CEP63: variants seen among roughly 807,000 people sequenced by gnomAD.
The protein encoded by CEP63 is centrosomal protein of 63 kDa.
A neutral mutation model predicts 89.1 loss-of-function variants in CEP63; 84 were observed. The observed-to-expected ratio is 0.94, with a 90% CI of 0.79 to 1.13. The LOEUF is 1.13. Ranked by LOEUF, CEP63 falls within the 50% of genes most tolerant of loss-of-function variation. The pLI, the probability that CEP63 is intolerant of heterozygous loss-of-function variation, is 0.00. For synonymous variants in CEP63, 267 were observed against 272.5 expected (o/e 0.98, Z 0.20); for missense variants, 838 against 813.3 (o/e 1.03, Z -0.37).
the CEP63 span, among the ~76,000 whole-genome samples, chr3:134,666,205 G>A: frequency 3.9e-5 from 6 of 152,138 alleles, no homozygotes; most frequent in Non-Finnish European, 7.4e-5. Context: ...GCCTCAGCAC[G>A]TTCAGAAGGA....
At chr3:134,486,641 C>T (rs887103005) in intron 1 of CEP63, 1 of 692,602 alleles carries the variant, frequency 1.4e-6, no homozygotes, top group Non-Finnish European at 1.8e-6. Flanking sequence ...TGCGGCCTCC[C>T]TGCCAGGGCT....
At chr3:134,519,969 G>A (rs879747072) in intron 3 of CEP63, among the ~76,000 whole-genome samples, 1 of 152,142 alleles carries the variant, frequency 6.6e-6, no homozygotes, top group Non-Finnish European at 1.5e-5. Context: ...AACATAGCAA[G>A]TAGCAATTAA....
chr3:134,760,267 G>A, the CEP63 span, among the ~76,000 whole-genome samples: 1 of 151,976 alleles, frequency 6.6e-6, no homozygotes, highest in Non-Finnish European at 1.5e-5. Context: ...CACTGTGTTA[G>A]CCAGGATGGT....
intron 2 of CEP63, among the ~76,000 whole-genome samples, chr3:134,503,993 G>A (rs1365402621): frequency 1.3e-5 from 2 of 152,050 alleles, no homozygotes; most frequent in East Asian, 3.9e-4. Flanking sequence ...ATTCAGGGTT[G>A]TTATAGATAG....
At chr3:134,695,020 A>C in the CEP63 span, among the ~76,000 whole-genome samples, 1 of 152,206 alleles carries the variant, frequency 6.6e-6, no homozygotes, top group Non-Finnish European at 1.5e-5. Context: ...AGCAATTGTG[A>C]AGCAGGTTCT....
the CEP63 span, among the ~76,000 whole-genome samples, chr3:134,773,655 T>A: frequency 6.6e-6 from 1 of 152,162 alleles, no homozygotes; most frequent in Non-Finnish European, 1.5e-5. Flanking sequence ...AGCAATTTGC[T>A]CTTCTAGTAA....
At chr3:134,489,689 T>C (rs1306879206) in intron 1 of CEP63, among the ~76,000 whole-genome samples, 2 of 152,182 alleles carry the variant, frequency 1.3e-5, no homozygotes, top group Non-Finnish European at 2.9e-5. Flanking sequence ...AACTTTCCCT[T>C]TCCAGCTGTT....
At chr3:134,518,228 CAATT>C (rs771037181) in intron 3 of CEP63, among the ~76,000 whole-genome samples, 3 of 152,078 alleles carry the variant, frequency 2.0e-5, no homozygotes, top group East Asian at 1.9e-4. Context: ...AAGTAGCTCT[CAATT>C]AATACAACAA....
At chr3:134,543,189 A>G (rs998538288) in intron 6 of CEP63, among the ~76,000 whole-genome samples, 2 of 152,202 alleles carry the variant, frequency 1.3e-5, no homozygotes, top group Non-Finnish European at 1.5e-5. Flanking sequence ...TCAACTCAAT[A>G]TGTCAGAAAT....
At chr3:134,489,325 G>C (rs6790338) in intron 1 of CEP63, among the ~76,000 whole-genome samples, 101,532 of 152,008 alleles carry the variant, frequency 0.67, 34,300 homozygotes, top group East Asian at 0.83. Flanking sequence ...GAAGCCTGAT[G>C]AGATTTCACC....
intron 3 of CEP63, among the ~76,000 whole-genome samples, chr3:134,529,868 A>ATTTT (rs58922185): frequency 5.0e-4 from 52 of 103,112 alleles, no homozygotes; most frequent in African/African-American, 1.8e-3. Flanking sequence ...AGGTTAAGAA[A>ATTTT]TTTTTTTTTT....
chr3:134,668,839 C>T, the CEP63 span, among the ~76,000 whole-genome samples: 7 of 152,140 alleles, frequency 4.6e-5, no homozygotes, highest in Non-Finnish European at 7.3e-5. Flanking sequence ...TCAAAGACCA[C>T]CATGTCCATC....
chr3:134,650,410 A>G, the CEP63 span, among the ~76,000 whole-genome samples: 4 of 152,092 alleles, frequency 2.6e-5, no homozygotes, highest in Admixed American at 6.5e-5. Flanking sequence ...CTCAGCCCAA[A>G]GGTTTCCCAG....
chr3:134,716,892 G>GA, the CEP63 span, among the ~76,000 whole-genome samples: 2 of 136,330 alleles, frequency 1.5e-5, no homozygotes, highest in Non-Finnish European at 3.2e-5. Flanking sequence ...AAGTACAAAA[G>GA]GACGGATGCA....
intron 7 of CEP63, 35 bp from the exon 8 acceptor site, chr3:134,546,114 A>C (rs1021932327): frequency 1.2e-6 from 2 of 1,610,144 alleles, no homozygotes; most frequent in Non-Finnish European, 1.7e-6. Context: ...AATTAAAAAG[A>C]AGGAAAATTA....
downstream of CEP63, among the ~76,000 whole-genome samples, chr3:134,578,610 G>A (rs913133729): frequency 2.6e-5 from 4 of 152,034 alleles, no homozygotes; most frequent in Admixed American, 6.6e-5. Context: ...GGTTACAGGC[G>A]TGAGCCACCA....
chr3:134,557,342 CAG>C (rs1424927795), intron 12 of CEP63, among the ~76,000 whole-genome samples: 1 of 131,294 alleles, frequency 7.6e-6, no homozygotes, highest in Non-Finnish European at 1.6e-5. Context: ...TTATGTTTGT[CAG>C]ACCACTCTTG....
At chr3:134,759,316 G>A in the CEP63 span, among the ~76,000 whole-genome samples, 1 of 152,190 alleles carries the variant, frequency 6.6e-6, no homozygotes, top group African/African-American at 2.4e-5. Flanking sequence ...TTAGGAATCA[G>A]GGCCTTCATT....
At chr3:134,671,604 C>T in the CEP63 span, among the ~76,000 whole-genome samples, 3 of 152,178 alleles carry the variant, frequency 2.0e-5, no homozygotes, top group East Asian at 5.8e-4. Flanking sequence ...TTTCTGTATG[C>T]TTGAAACATT....
Sources: allele counts gnomAD v4.1 joint callset (sites outside exome capture counted in the v4.1 genomes callset), GRCh38; gene constraint gnomAD v4.1.1; transcripts MANE v1.5; gene names NCBI Gene and HGNC (gene_info 2026-07-23, HGNC 2026-07-21).